The following TWF2 variants were observed in gnomAD, a reference collection of about 807,000 sequenced individuals.
The protein encoded by TWF2 is twinfilin-2.
In TWF2, 15 loss-of-function variants were observed where a neutral mutation model predicts 45.1. The observed-to-expected ratio is 0.33, with a 90% CI of 0.22 to 0.51. The LOEUF (loss-of-function observed/expected upper bound fraction) is 0.51. Ranked by LOEUF, TWF2 falls within the 20% of genes least tolerant of loss-of-function variation. The pLI, the probability that TWF2 is intolerant of heterozygous loss-of-function variation, is 0.97. For synonymous variants in TWF2, 177 were observed against 195.8 expected (o/e 0.90, Z 0.80); for missense variants, 423 against 469.1 (o/e 0.90, Z 0.91).
intron 1 of TWF2, among the ~76,000 whole-genome samples, chr3:52,236,092 G>A (rs968532937): frequency 1.3e-5 from 2 of 152,100 alleles, no homozygotes; most frequent in East Asian, 3.9e-4. Flanking sequence ...CCTGAGGTCA[G>A]GAGTTCAAGA....
intron 2 of TWF2, among the ~76,000 whole-genome samples, chr3:52,233,611 A>G (rs1336518490): frequency 6.6e-6 from 1 of 152,156 alleles, no homozygotes; most frequent in East Asian, 1.9e-4. Context: ...ATAAAAGTCA[A>G]TCCAGAGATT....
chr3:52,231,085 G>A, intron 5 of TWF2, 42 bp downstream of exon 5: 1 of 1,613,202 alleles, frequency 6.2e-7, no homozygotes, highest in Non-Finnish European at 8.5e-7. Context: ...GGGCCGATAT[G>A]ACCCTGAGGG....
intron 8 of TWF2, among the ~76,000 whole-genome samples, 197 bp from the exon 9 acceptor site, chr3:52,229,398 G>A (rs373476458): frequency 1.1e-4 from 16 of 152,178 alleles, no homozygotes; most frequent in African/African-American, 3.9e-4. Flanking sequence ...GCATGCCTTG[G>A]ACTCTGCTCG....
In TWF2 at chr3:52,232,040, G is replaced by A. The variant is rs55686139; in HGVS notation, c.186C>T (p.Asp62=). The A allele has an allele frequency of 1.6e-3, 2,567 of 1,613,944 alleles. 43 individuals are homozygous for A. The East Asian group carries it at 0.037, about 23-fold the overall frequency. ...DYDRAVLPLL[D]AQQPCYLLYR... ...AGAGCAGGTAGCAGGGCTGCTGGGC[G>A]TCCAGCAGTGGCAGCACGGCCCTGT... Residue 62 remains aspartate, a synonymous_variant, in exon 3 of 9, where the codon GAC becomes GAT. Coordinates refer to ENST00000305533, the MANE Select transcript of TWF2 (RefSeq NM_007284.4).
Position 52,239,131 on chromosome 3 carries a change from C to A in TWF2, c.-115G>T. 3 of 1,310,116 alleles carry A rather than the reference C, an allele frequency of 2.3e-6. No individual in the cohort carries two copies. In the East Asian group the frequency reaches 9.3e-5, roughly 41 times the overall value. 81.2% of individuals were successfully genotyped at this position (1,310,116 alleles called of 1,614,324 possible). ...GTGGCGGAGGCTGTCGACCCTCGCG[C>A]AGCTTCCCGGGCGGTGCCGCAGGAC... On this transcript the variant is annotated 5_prime_UTR_variant, in exon 1 of 9. Coordinates refer to ENST00000305533, the MANE Select transcript of TWF2 (RefSeq NM_007284.4).
intron 1 of TWF2, 28 bp downstream of exon 1, chr3:52,238,964 C>T: frequency 1.3e-6 from 2 of 1,589,426 alleles, no homozygotes; most frequent in South Asian, 1.1e-5. Context: ...AGACCGAGGC[C>T]CCCTGCCCGC....
At chr3:52,238,414 A>C (rs1214070843) in intron 1 of TWF2, among the ~76,000 whole-genome samples, 1 of 152,240 alleles carries the variant, frequency 6.6e-6, no homozygotes, top group South Asian at 2.1e-4. Context: ...CCTAACACAC[A>C]TAAACAAGCC....
Position 52,239,052 on chromosome 3 carries a change from C to G in TWF2, c.-36G>C. 1 of 1,592,078 alleles carries G rather than the reference C, an allele frequency of 6.3e-7. No homozygotes were observed. On this transcript the variant is annotated 5_prime_UTR_variant, in exon 1 of 9. Coordinates refer to ENST00000305533, the MANE Select transcript of TWF2 (RefSeq NM_007284.4). ...TTCGCTCCGTCCGCGCCGTCGGAGC[C>G]CTCCGCTTGACCCTGGCCCGGCAAC...
chr3:52,228,933 TCCCAGAAACACTTTCCTGGAG>T lies in TWF2; in HGVS notation c.*80_*100del. On this transcript the variant is annotated 3_prime_UTR_variant, in exon 9 of 9. Transcript: ENST00000305533. ...CGTTCAGCTGCCAGCCCTCCTGACC[TCCCAGAAACACTTTCCTGGAG>T]CCCAGGAAGGAGGATGGTGGCAGGG... 1 of 1,512,772 alleles carries T rather than the reference TCCCAGAAACACTTTCCTGGAG, an allele frequency of 6.6e-7. No individual in the cohort carries two copies. The highest frequency in any genetic ancestry group is 8.9e-7 in the Non-Finnish European group (1 of 1,128,648). The allele number at this position is 1,512,772 out of a possible 1,614,324, so 93.7% of individuals were successfully genotyped here. A position where few individuals can be genotyped will look rare whatever the true frequency, so the allele number is the denominator to read the frequency against.
At chr3:52,229,396 T>C (rs1195962725) in intron 8 of TWF2, among the ~76,000 whole-genome samples, 195 bp from the exon 9 acceptor site, 3 of 152,206 alleles carry the variant, frequency 2.0e-5, no homozygotes, top group Non-Finnish European at 4.4e-5. Flanking sequence ...CTGCATGCCT[T>C]GGACTCTGCT....
chr3:52,231,288 G>T, intron 4 of TWF2, 57 bp from the exon 5 acceptor site: 1 of 1,597,040 alleles, frequency 6.3e-7, no homozygotes, highest in Non-Finnish European at 8.6e-7. Context: ...ATTGGCTAGA[G>T]GAGGCCCACG....
Position 52,229,765 on chromosome 3 carries a change from G to T in TWF2, c.778C>A (p.Pro260Thr), listed in dbSNP as rs755045431. The T allele has an allele frequency of 6.2e-7, 1 of 1,612,652 alleles. No homozygotes were observed. The highest frequency in any genetic ancestry group is 1.3e-5 in the African/African-American group (1 of 74,918). The change falls in exon 8 of 9, where the codon CCG becomes ACG. Residue 260 changes from proline (P) to threonine (T), a missense_variant. Transcript: ENST00000305533. The part of the protein sequence containing the change: ...LESVVFIYSM[P>T]GYKCSIKERM... ...TCCTTGATGCTGCACTTGTACCCCG[G>T]CATGGAGTAGATGAACACTGTTGGG...
At chr3:52,232,654 G>T (rs924992548) in intron 2 of TWF2, among the ~76,000 whole-genome samples, 1 of 152,198 alleles carries the variant, frequency 6.6e-6, no homozygotes, top group African/African-American at 2.4e-5. Context: ...GGAGGAGCAG[G>T]GGCTCCTACC....
intron 1 of TWF2, among the ~76,000 whole-genome samples, chr3:52,236,398 G>A (rs1430611390): frequency 6.6e-6 from 1 of 152,154 alleles, no homozygotes; most frequent in Non-Finnish European, 1.5e-5. Context: ...GGGCAGAGGT[G>A]AGGACCATGG....
intron 7 of TWF2, 66 bp from the exon 8 acceptor site, chr3:52,229,848 G>A: frequency 6.3e-7 from 1 of 1,595,940 alleles, no homozygotes; most frequent in Non-Finnish European, 8.6e-7. Context: ...ACCCAGAGCA[G>A]GCCTGCCCCA....
In TWF2 at chr3:52,230,008, C is replaced by T. The variant is rs1699664004; in HGVS notation, c.672G>A (p.Gln224=). 1 of 1,611,944 alleles carries T rather than the reference C, an allele frequency of 6.2e-7. No individual in the cohort carries two copies. The highest frequency in any genetic ancestry group is 8.5e-7 in the Non-Finnish European group (1 of 1,179,866). The change falls in exon 7 of 9, where the codon CAG becomes CAA. Residue 224 remains glutamine (Q), a synonymous_variant. Coordinates refer to ENST00000305533, the MANE Select transcript of TWF2 (RefSeq NM_007284.4). ...CATCTCGGGGCACCCGGGAGGGCAG[C>T]TGGGCCACATCCGTGGGCTCTGTGT... ...LVHTEPTDVA[Q]LPSRVPRDAA... is the part of the protein sequence containing the mutation.
intron 8 of TWF2, among the ~76,000 whole-genome samples, 168 bp downstream of exon 8, chr3:52,229,493 C>T (rs978189910): frequency 6.6e-6 from 1 of 152,222 alleles, no homozygotes; most frequent in Non-Finnish European, 1.5e-5. Context: ...AGCCACCGAT[C>T]AGCTGGGCAG....
Position 52,237,724 on chromosome 3 carries a change from A to T in TWF2, c.25+1268T>A, listed in dbSNP as rs951370225. The stretch of plus-strand genomic sequence containing the variant: ...AAGCCTGCCCGCCAGCTCCTCCTGG[A>T]GAAAGGCTGGCCCATCTGGGAGCCC... On this transcript the variant is annotated intron_variant, in intron 1 of 8. Transcript: ENST00000305533. Among the ~76,000 whole-genome samples, 4 of 152,184 alleles carry T rather than the reference A, an allele frequency of 2.6e-5. 1 individual carries two copies. The highest frequency in any genetic ancestry group is 5.9e-5 in the Non-Finnish European group (4 of 68,018).
chr3:52,235,628 A>T lies in TWF2; in HGVS notation c.26-522T>A, dbSNP rs547887071. Among the ~76,000 whole-genome samples, 5 of 152,348 alleles carry T rather than the reference A, an allele frequency of 3.3e-5. No individual in the cohort carries two copies. The East Asian group carries it at 9.6e-4, about 29-fold the overall frequency. On this transcript the variant is annotated intron_variant, in intron 1 of 8. Transcript: ENST00000305533. The stretch of plus-strand genomic sequence containing the variant: ...ATGTGTGACAGAGGAGCAGAAATTC[A>T]AACACCCTCATACATGAACACATGC...
Sources: allele counts gnomAD v4.1 joint callset (sites outside exome capture counted in the v4.1 genomes callset), GRCh38; gene constraint gnomAD v4.1.1; transcripts MANE v1.5; gene names NCBI Gene and HGNC (gene_info 2026-07-23, HGNC 2026-07-21).